CNTNAP2: variants seen among roughly 807,000 people sequenced by gnomAD.
CNTNAP2 encodes the protein contactin associated protein 2.
A neutral mutation model predicts 155.2 loss-of-function variants in CNTNAP2; 98 were observed. The ratio of observed to expected loss-of-function variants is 0.63; its 90% CI spans 0.54 to 0.75. CNTNAP2 has a LOEUF of 0.75. Among genes scored for constraint, CNTNAP2 ranks in the 30% least tolerant of loss-of-function variants. CNTNAP2 has a pLI of 0.00. For synonymous variants in CNTNAP2, 651 were observed against 631.2 expected, an observed-to-expected ratio of 1.03 and a Z score of -0.47; for missense variants, 1,727 against 1,688.1, an observed-to-expected ratio of 1.02 and a Z score of -0.40.
intron 13 of CNTNAP2, among the ~76,000 whole-genome samples, chr7:147,824,446 C>A (rs1184433361): frequency 6.6e-6 from 1 of 152,074 alleles, no homozygotes; most frequent in Admixed American, 6.6e-5. Flanking sequence ...GGGGAAGTTC[C>A]AAATACTACA....
intron 9 of CNTNAP2, among the ~76,000 whole-genome samples, chr7:147,339,944 G>T (rs538624007): frequency 1.3e-5 from 2 of 152,250 alleles, no homozygotes; most frequent in South Asian, 4.2e-4. Flanking sequence ...TCAGATAAAA[G>T]CTCCTGCACT....
At chr7:146,824,167 G>A (rs1803353740) in intron 2 of CNTNAP2, among the ~76,000 whole-genome samples, 1 of 152,140 alleles carries the variant, frequency 6.6e-6, no homozygotes, top group Non-Finnish European at 1.5e-5. Flanking sequence ...TTAGTTTGCT[G>A]AGAGTGATGG....
intron 15 of CNTNAP2, among the ~76,000 whole-genome samples, chr7:148,009,563 A>T (rs539438742): frequency 6.6e-6 from 1 of 152,274 alleles, no homozygotes; most frequent in Admixed American, 6.5e-5. Context: ...TGGTATATTT[A>T]CCTATACTAT....
At chr7:146,707,307 T>G (rs999225681) in intron 1 of CNTNAP2, among the ~76,000 whole-genome samples, 2 of 152,168 alleles carry the variant, frequency 1.3e-5, no homozygotes, top group African/African-American at 4.8e-5. Flanking sequence ...CCAGATCCTC[T>G]TCATTTGTGA....
At position 148,017,802 on chromosome 7, in the gene CNTNAP2, C is replaced by T. The variant is rs566698978; in HGVS notation, c.2383+39813C>T. Reference sequence around the variant, plus strand: ...TCCAGTGAATGACGTAAATAATAGCCTTTTTAACCCTCTTGCGAATATACA... The same window carrying T: ...TCCAGTGAATGACGTAAATAATAGCTTTTTTAACCCTCTTGCGAATATACA... On this transcript the variant is annotated intron_variant, in intron 15 of 23. Transcript: ENST00000361727. Among the ~76,000 whole-genome samples, 6 of 152,282 alleles carry T rather than the reference C, an allele frequency of 3.9e-5. No homozygotes were observed. The East Asian group carries it at 9.6e-4, about 24-fold the overall frequency.
At chr7:148,229,561 A>C in intron 19 of CNTNAP2, 85 bp from the exon 20 acceptor site, 1 of 1,489,874 alleles carries the variant, frequency 6.7e-7, no homozygotes, top group Non-Finnish European at 9.3e-7. Context: ...GAAAGAAAGA[A>C]TCTAAGAGCA....
intron 2 of CNTNAP2, among the ~76,000 whole-genome samples, chr7:146,837,912 C>T (rs1033250521): frequency 2.0e-5 from 3 of 152,228 alleles, no homozygotes; most frequent in Non-Finnish European, 2.9e-5. Context: ...CTCTGTGCAA[C>T]CTCTGGTTAT....
chr7:146,159,674 C>G (rs1798185687), intron 1 of CNTNAP2, among the ~76,000 whole-genome samples: 1 of 152,156 alleles, frequency 6.6e-6, no homozygotes, highest in Non-Finnish European at 1.5e-5. Context: ...GGGATCAATT[C>G]AACAAGAAGA....
At chr7:147,145,002 T>C (rs75453927) in intron 8 of CNTNAP2, among the ~76,000 whole-genome samples, 2,143 of 152,344 alleles carry the variant, frequency 0.014, 52 homozygotes, top group African/African-American at 0.049. Context: ...CACGTTTGAA[T>C]GATTTAGAAT....
At position 146,430,142 on chromosome 7, in the gene CNTNAP2, C is replaced by T. The variant is rs927797814; in HGVS notation, c.97+313169C>T. On this transcript the variant is annotated intron_variant, in intron 1 of 23. Transcript: ENST00000361727. ...TTGCCAGTATTTTATTGAGAATATT[C>T]GCATCGATGTTCATCAAGGATATTT... 6.0e-5 allele frequency among the ~76,000 whole-genome samples: 9 copies of T among 150,804 alleles called. No homozygotes were observed. In the South Asian group the frequency reaches 6.2e-4, roughly 10 times the overall value.
intron 8 of CNTNAP2, among the ~76,000 whole-genome samples, chr7:147,143,130 A>G (rs1472833208): frequency 6.6e-6 from 1 of 151,988 alleles, no homozygotes. Context: ...CAATACTTTC[A>G]TCTTTGCTTT....
At chr7:147,601,720 C>A (rs1246666655) in intron 12 of CNTNAP2, among the ~76,000 whole-genome samples, 1 of 147,238 alleles carries the variant, frequency 6.8e-6, no homozygotes, top group African/African-American at 2.5e-5. Context: ...ATACAAATTT[C>A]TTAATGTCTT....
At chr7:146,591,368 G>T (rs992062655) in intron 1 of CNTNAP2, among the ~76,000 whole-genome samples, 1 of 78,412 alleles carries the variant, frequency 1.3e-5, no homozygotes, top group African/African-American at 5.3e-5. Context: ...CAAAGAAATT[G>T]GTTGTGACAT....
chr7:147,525,277 T>C (rs1799298538), intron 11 of CNTNAP2, among the ~76,000 whole-genome samples: 1 of 152,148 alleles, frequency 6.6e-6, no homozygotes, highest in Non-Finnish European at 1.5e-5. Flanking sequence ...AAATGGCAAA[T>C]GACATGTGTG....
chr7:146,855,852 T>TCGC (rs1794972060), intron 3 of CNTNAP2, among the ~76,000 whole-genome samples: 1 of 100,068 alleles, frequency 1.0e-5, no homozygotes, highest in Admixed American at 1.1e-4. Flanking sequence ...TATATATATA[T>TCGC]ACACACTTAC....
intron 2 of CNTNAP2, among the ~76,000 whole-genome samples, chr7:146,800,363 C>T (rs192948646): frequency 2.0e-4 from 31 of 152,288 alleles, no homozygotes; most frequent in South Asian, 4.1e-4. Flanking sequence ...CCAAGCTGCC[C>T]GGGGTGGCCT....
At chr7:146,953,036 C>T (rs2129228422) in intron 3 of CNTNAP2, among the ~76,000 whole-genome samples, 1 of 152,132 alleles carries the variant, frequency 6.6e-6, no homozygotes, top group Non-Finnish European at 1.5e-5. Context: ...GAAATTACTT[C>T]TATTGAAATC....
chr7:146,557,526 A>C (rs1798215082), intron 1 of CNTNAP2, among the ~76,000 whole-genome samples: 1 of 152,084 alleles, frequency 6.6e-6, no homozygotes. Context: ...AATGTATAGA[A>C]TTAAAGACTT....
intron 1 of CNTNAP2, among the ~76,000 whole-genome samples, chr7:146,762,078 T>G (rs137924058): frequency 9.2e-5 from 14 of 152,300 alleles, no homozygotes; most frequent in African/African-American, 3.4e-4. Context: ...GACTAAATAT[T>G]CTCCAACTTA....
Sources: allele counts gnomAD v4.1 joint callset (sites outside exome capture counted in the v4.1 genomes callset), GRCh38; gene constraint gnomAD v4.1.1; transcripts MANE v1.5; gene names NCBI Gene and HGNC (gene_info 2026-07-23, HGNC 2026-07-21).